C16orf89: variants seen among roughly 807,000 people sequenced by gnomAD.
C16orf89 encodes chromosome 16 open reading frame 89.
C16orf89 carries 57 observed loss-of-function variants against 41.5 expected under a neutral mutation model. The observed-to-expected ratio is 1.38, with a 90% confidence interval of 1.11 to 1.71. The LOEUF (loss-of-function observed/expected upper bound fraction) is 1.71, where lower values mean the gene tolerates loss of function less well. C16orf89 is among the 40% of genes most tolerant of loss of function. The pLI, the probability that C16orf89 is intolerant of heterozygous loss-of-function variation, is 0.00. For synonymous variants in C16orf89, 223 were observed against 190.6 expected (o/e 1.17, Z -1.40); for missense variants, 575 against 445.9 (o/e 1.29, Z -2.61).
intron 4 of C16orf89, 130 bp from the exon 5 acceptor site, chr16:5,056,318 A>C: frequency 2.4e-6 from 2 of 821,206 alleles, no homozygotes; most frequent in Non-Finnish European, 3.5e-6. Context: ...TGTTTAGGGC[A>C]GGTCTTTTTC....
At chr16:5,057,054 A>C (rs528464956) in intron 4 of C16orf89, among the ~76,000 whole-genome samples, 2 of 151,982 alleles carry the variant, frequency 1.3e-5, no homozygotes, top group Non-Finnish European at 2.9e-5. Context: ...CCTGGCCAAC[A>C]TGGTGAAACC....
rs1956723716 is a variant in C16orf89, at chr16:5,065,613, C to T, written c.208+88G>A. ...AGGCTATACTGGGGCCAGGAGTCTG[C>T]CAGGTCCCAGGCGTACAGAGCAGGG... On this transcript the variant is annotated intron_variant, in intron 1 of 7. Coordinates refer to ENST00000472572, the MANE Select transcript of C16orf89 (RefSeq NM_001098514.3). 5.6e-6 allele frequency: 8 copies of T among 1,417,100 alleles called. No homozygotes were observed. In the Admixed American group the frequency reaches 1.4e-4, roughly 25 times the overall value. 87.8% of individuals were successfully genotyped at this position (1,417,100 alleles called of 1,614,324 possible).
intron 3 of C16orf89, 26 bp downstream of exon 3, chr16:5,060,260 G>A (rs942420656): frequency 6.3e-7 from 1 of 1,581,504 alleles, no homozygotes; most frequent in African/African-American, 1.3e-5. Context: ...TGGGTTTCCA[G>A]CAAATAGGGC....
intron 2 of C16orf89, among the ~76,000 whole-genome samples, chr16:5,061,506 C>T (rs55642726): frequency 5.7e-5 from 4 of 70,740 alleles, no homozygotes; most frequent in Non-Finnish European, 8.4e-5. Context: ...AAAAAAAAAC[C>T]CCCCCAAAAA....
intron 5 of C16orf89, 58 bp downstream of exon 5, chr16:5,055,995 G>A: frequency 8.9e-7 from 1 of 1,125,482 alleles, no homozygotes; most frequent in East Asian, 2.5e-5. Flanking sequence ...GTGTGTGTGT[G>A]TGTGTTGGTG....
intron 4 of C16orf89, among the ~76,000 whole-genome samples, chr16:5,057,543 A>G (rs1162279129): frequency 6.6e-6 from 1 of 151,010 alleles, no homozygotes; most frequent in East Asian, 2.0e-4. Flanking sequence ...ATGTATATAT[A>G]TAGAGAGCGG....
rs1032309491 is a variant in C16orf89, at chr16:5,060,195, C to A, written c.509+91G>T. On this transcript the variant is annotated intron_variant, in intron 3 of 7. Coordinates refer to ENST00000472572, the MANE Select transcript of C16orf89 (RefSeq NM_001098514.3). ...TGTCTGCACAAACCCCTGGCTTCAG[C>A]CCTAGGGCTTGGAGAAGGAGGAGCG... The A allele has an allele frequency of 1.3e-5, 19 of 1,447,648 alleles. No individual in the cohort carries two copies. In the Admixed American group the frequency reaches 2.5e-4, roughly 19 times the overall value. 89.7% of individuals were successfully genotyped at this position (1,447,648 alleles called of 1,614,324 possible). A position where few individuals can be genotyped will look rare whatever the true frequency, so the allele number is the denominator to read the frequency against.
chr16:5,052,074 C>G (rs1370034711), intron 6 of C16orf89, among the ~76,000 whole-genome samples: 6 of 137,326 alleles, frequency 4.4e-5, no homozygotes, highest in Admixed American at 3.9e-4. Flanking sequence ...GGCACACCAT[C>G]CTGGGTGACA....
chr16:5,060,537 C>T, intron 2 of C16orf89, 101 bp from the exon 3 acceptor site: 1 of 1,275,452 alleles, frequency 7.8e-7, no homozygotes, highest in Non-Finnish European at 1.1e-6. Context: ...TGCCCACTGG[C>T]AGGTGCAGCT....
chr16:5,045,560 A>G (rs1057348125), intron 7 of C16orf89, among the ~76,000 whole-genome samples: 11 of 152,086 alleles, frequency 7.2e-5, no homozygotes, highest in Admixed American at 5.2e-4. Flanking sequence ...GGGAGGGAGA[A>G]TGCAGATTTC....
intron 7 of C16orf89, among the ~76,000 whole-genome samples, chr16:5,045,426 G>A (rs1015510400): frequency 3.3e-5 from 5 of 152,192 alleles, no homozygotes; most frequent in Non-Finnish European, 7.3e-5. Flanking sequence ...AGTTCTTTGA[G>A]CTCAAAGTGG....
At chr16:5,054,333 A>C (rs1455116798) in intron 6 of C16orf89, among the ~76,000 whole-genome samples, 2 of 152,188 alleles carry the variant, frequency 1.3e-5, no homozygotes, top group Non-Finnish European at 2.9e-5. Flanking sequence ...CAAAGGGACC[A>C]GCTGTCCATT....
chr16:5,056,229 C>G, intron 4 of C16orf89, 41 bp from the exon 5 acceptor site: 1 of 1,550,720 alleles, frequency 6.4e-7, no homozygotes, highest in Non-Finnish European at 8.8e-7. Flanking sequence ...GTCAGTGGTA[C>G]AGATGACAGA....
chr16:5,064,742 G>A (rs981875485), intron 1 of C16orf89, among the ~76,000 whole-genome samples: 2 of 152,230 alleles, frequency 1.3e-5, no homozygotes, highest in African/African-American at 4.8e-5. Context: ...TGTGGGATGT[G>A]GCGTGGGTGG....
chr16:5,043,044 A>C (rs1956235061), downstream of C16orf89: 1 of 152,024 alleles, frequency 6.6e-6, no homozygotes, highest in Admixed American at 6.6e-5. Flanking sequence ...ACAGCAGTGG[A>C]GGTAACATTG....
chr16:5,065,753 C>G lies in C16orf89; in HGVS notation c.156G>C (p.Gln52His). 6.2e-7 allele frequency: 1 copy of G among 1,614,210 alleles called. No homozygotes were observed. Among genetic ancestry groups the G allele is most frequent in the Non-Finnish European group, 8.5e-7 (1 of 1,180,002 alleles). ...ALERATVFLE[Q>H]RLPEINLDGM... is the part of the protein sequence containing the mutation. ...CATCCAGGTTGATTTCAGGCAGCCT[C>G]TGTTCTAGGAAGACGGTGGCTCTCT... Residue 52 changes from glutamine to histidine, a missense_variant, in exon 1 of 8, where the codon CAG (glutamine) becomes CAC (histidine). Coordinates refer to ENST00000472572, the MANE Select transcript of C16orf89 (RefSeq NM_001098514.3).
Position 5,047,908 on chromosome 16 carries a change from T to G in C16orf89, c.925A>C (p.Arg309=). 6.2e-7 allele frequency: 1 copy of G among 1,603,412 alleles called. No individual in the cohort carries two copies. Among genetic ancestry groups the G allele is most frequent in the Non-Finnish European group, 8.5e-7 (1 of 1,171,212 alleles). Reference sequence around the variant, plus strand: ...AATTGTTTTTCTCGCCTCTTCACTCTCCTCGAAAAATGCTGCTGATATTGA... The same window carrying G: ...AATTGTTTTTCTCGCCTCTTCACTCGCCTCGAAAAATGCTGCTGATATTGA... The part of the protein sequence containing the change: ...AIQYQQHFSR[R]VKRREKQFPD... Residue 309 remains arginine, a synonymous_variant, in exon 7 of 8, where the codon AGA becomes CGA. Coordinates refer to ENST00000472572, the MANE Select transcript of C16orf89 (RefSeq NM_001098514.3).
chr16:5,052,540 G>A (rs1203811560), intron 6 of C16orf89, among the ~76,000 whole-genome samples: 1 of 151,866 alleles, frequency 6.6e-6, no homozygotes, highest in African/African-American at 2.4e-5. Flanking sequence ...GCAGTGAGCC[G>A]AGATCGCACC....
chr16:5,053,136 G>A (rs932754715), intron 6 of C16orf89, among the ~76,000 whole-genome samples: 1 of 152,234 alleles, frequency 6.6e-6, no homozygotes, highest in African/African-American at 2.4e-5. Flanking sequence ...TTGGGAGGCC[G>A]AGGTGGGTGG....
Sources: allele counts gnomAD v4.1 joint callset (sites outside exome capture counted in the v4.1 genomes callset), GRCh38; gene constraint gnomAD v4.1.1; transcripts MANE v1.5; gene names NCBI Gene and HGNC (gene_info 2026-07-23, HGNC 2026-07-21).